Variants in PROM1 observed in about 807,000 individuals in gnomAD.
PROM1 encodes prominin 1.
PROM1 carries 105 observed loss-of-function variants against 116.9 expected under a neutral mutation model. That is an observed-to-expected ratio of 0.90 (90% CI 0.77 to 1.06). The LOEUF is 1.06. Among genes scored for constraint, PROM1 ranks in the 50% least tolerant of loss-of-function variants. PROM1 has a pLI of 0.00. For synonymous variants in PROM1, 393 were observed against 387.0 expected (o/e 1.02, Z -0.18); for missense variants, 1,122 against 1,045.2 (o/e 1.07, Z -1.01).
At chr4:16,032,715 T>A (rs1439066040) in intron 5 of PROM1, among the ~76,000 whole-genome samples, 1 of 152,206 alleles carries the variant, frequency 6.6e-6, no homozygotes, top group South Asian at 2.1e-4. Context: ...GCCAGTCAAC[T>A]GGAAAACTTT....
At chr4:16,051,175 A>G (rs1300306200) in intron 2 of PROM1, among the ~76,000 whole-genome samples, 3 of 152,234 alleles carry the variant, frequency 2.0e-5, no homozygotes, top group Non-Finnish European at 4.4e-5. Flanking sequence ...AGGGAACAGC[A>G]TGTTCAAAGT....
In PROM1 at chr4:16,061,952, C is replaced by T. The variant is rs985076119; in HGVS notation, c.220+13735G>A. ...TGTCGCCCAGGCTGGAGTGCAGTGG[C>T]GCGATCTTGACTCACTGCAAGCTCC... On this transcript the variant is annotated intron_variant, in intron 2 of 27. Transcript: ENST00000447510. Among the ~76,000 whole-genome samples the T allele has an allele frequency of 2.7e-5, 4 of 146,986 alleles. No homozygotes were observed. The South Asian group carries it at 6.4e-4, about 24-fold the overall frequency.
intron 11 of PROM1, among the ~76,000 whole-genome samples, chr4:16,012,448 C>T (rs1169535013): frequency 6.6e-6 from 1 of 152,204 alleles, no homozygotes; most frequent in Non-Finnish European, 1.5e-5. Flanking sequence ...ATCCTCTCTA[C>T]ATTGATTCTG....
Position 16,004,832 on chromosome 4 carries a change from T to TTCTTTCTTTCTTTTTCTTCCTTC in PROM1, c.1454+1705_1454+1706insGAAGGAAGAAAAAGAAAGAAAGA, listed in dbSNP as rs1203366908. Among the ~76,000 whole-genome samples, 321 of 122,562 alleles carry TTCTTTCTTTCTTTTTCTTCCTTC rather than the reference T, an allele frequency of 2.6e-3. 10 individuals carry two copies. The East Asian group carries it at 0.062, about 24-fold the overall frequency. The allele number at this position is 122,562 out of a possible 152,430, so 80.4% of individuals were successfully genotyped here. A position where few individuals can be genotyped will look rare whatever the true frequency, so the allele number is the denominator to read the frequency against. The stretch of plus-strand genomic sequence containing the variant: ...CTTTCTTTCTTTCTTTCTTTCTTTT[T>TTCTTTCTTTCTTTTTCTTCCTTC]CTTCCTTCCTTCCTTCCTTCCTTCC... On this transcript the variant is annotated intron_variant, in intron 13 of 27. Coordinates refer to ENST00000447510, the MANE Select transcript of PROM1 (RefSeq NM_006017.3).
intron 2 of PROM1, among the ~76,000 whole-genome samples, chr4:16,039,715 CAAA>C (rs34158088): frequency 2.2e-5 from 3 of 133,920 alleles, no homozygotes; most frequent in Non-Finnish European, 3.3e-5. Flanking sequence ...TCCAGACTGT[CAAA>C]AAAAAAAAAA....
At chr4:15,979,487 A>C in intron 25 of PROM1, 24 bp from the exon 26 acceptor site, 1 of 1,595,202 alleles carries the variant, frequency 6.3e-7, no homozygotes, top group Non-Finnish European at 8.5e-7. Flanking sequence ...AAATACACCA[A>C]AAACACCATG....
intron 2 of PROM1, among the ~76,000 whole-genome samples, chr4:16,046,886 G>A (rs142900837): frequency 6.6e-6 from 1 of 152,322 alleles, no homozygotes; most frequent in African/African-American, 2.4e-5. Context: ...AATAGGCAGA[G>A]GGCTAGGCCC....
chr4:16,061,823 C>G (rs1258364942), intron 2 of PROM1, among the ~76,000 whole-genome samples: 2 of 151,538 alleles, frequency 1.3e-5, no homozygotes, highest in Non-Finnish European at 2.9e-5. Flanking sequence ...TCTGGTGGTT[C>G]CTTGAGTTGT....
intron 11 of PROM1, 113 bp from the exon 12 acceptor site, chr4:16,009,221 ATG>A: frequency 1.2e-6 from 1 of 838,614 alleles, no homozygotes; most frequent in Non-Finnish European, 1.9e-6. Flanking sequence ...CATGTCATGT[ATG>A]TGTTTAAAAT....
chr4:16,035,027 G>A (rs1004665748), intron 4 of PROM1, among the ~76,000 whole-genome samples: 1 of 152,174 alleles, frequency 6.6e-6, no homozygotes, highest in African/African-American at 2.4e-5. Context: ...TCTGGCACTT[G>A]AATATTATCT....
intron 2 of PROM1, among the ~76,000 whole-genome samples, chr4:16,039,649 G>A (rs1734724151): frequency 1.3e-5 from 2 of 150,942 alleles, no homozygotes; most frequent in Admixed American, 1.3e-4. Flanking sequence ...GAGATGGGAG[G>A]ATCACTTGAA....
chr4:15,991,814 T>C (rs1198400572), intron 17 of PROM1, among the ~76,000 whole-genome samples: 1 of 151,746 alleles, frequency 6.6e-6, no homozygotes, highest in Non-Finnish European at 1.5e-5. Context: ...CAGGCGCCTG[T>C]AGTCCCAGCC....
intron 26 of PROM1, among the ~76,000 whole-genome samples, chr4:15,974,068 T>TACAC (rs1461477765): frequency 6.6e-6 from 1 of 151,214 alleles, no homozygotes; most frequent in Admixed American, 6.6e-5. Flanking sequence ...AGAGTAAGTT[T>TACAC]ACACACACAC....
At chr4:16,072,831 A>C (rs1020584889) in intron 2 of PROM1, among the ~76,000 whole-genome samples, 15 of 152,204 alleles carry the variant, frequency 9.9e-5, no homozygotes, top group African/African-American at 3.1e-4. Flanking sequence ...AGTACTTTGC[A>C]GACCCTGTGT....
chr4:16,066,943 A>T lies in PROM1; in HGVS notation c.220+8744T>A, dbSNP rs543734313. On this transcript the variant is annotated intron_variant, in intron 2 of 27. Transcript: ENST00000447510. Reference sequence around the variant, plus strand: ...TTTATGTAGGGCAAGATAGGACCCTATTTCAGAGGGACTTTGTAGGCTAGA... The same window carrying T: ...TTTATGTAGGGCAAGATAGGACCCTTTTTCAGAGGGACTTTGTAGGCTAGA... Among the ~76,000 whole-genome samples, 35 of 152,264 alleles carry T rather than the reference A, an allele frequency of 2.3e-4. No individual in the cohort carries two copies. The South Asian group carries it at 5.4e-3, about 24-fold the overall frequency.
chr4:16,039,574 C>T (rs1734703025), intron 2 of PROM1, among the ~76,000 whole-genome samples: 1 of 152,074 alleles, frequency 6.6e-6, no homozygotes, highest in Non-Finnish European at 1.5e-5. Context: ...TCCGTCTCTA[C>T]TAAAAATACA....
At chr4:15,997,844 T>C (rs1722710300) in intron 15 of PROM1, among the ~76,000 whole-genome samples, 1 of 152,180 alleles carries the variant, frequency 6.6e-6, no homozygotes, top group African/African-American at 2.4e-5. Flanking sequence ...TCATGTATCT[T>C]ACTTAACCCT....
intron 15 of PROM1, 101 bp from the exon 16 acceptor site, chr4:15,994,172 T>C: frequency 6.4e-7 from 1 of 1,562,682 alleles, no homozygotes; most frequent in Non-Finnish European, 8.7e-7. Flanking sequence ...TCTCCTTGTT[T>C]AATCTGTGAA....
Position 15,979,875 on chromosome 4 carries a change from G to T in PROM1, c.2513+6C>A. 1 of 1,448,542 alleles carries T rather than the reference G, an allele frequency of 6.9e-7. No homozygotes were observed. The allele number at this position is 1,448,542 out of a possible 1,614,324, so 89.7% of individuals were successfully genotyped here. On this transcript the variant is annotated splice_donor_region_variant and intron_variant, in intron 25 of 27. Coordinates refer to ENST00000447510, the MANE Select transcript of PROM1 (RefSeq NM_006017.3). ...CTAGGAATATAGTTTTTTTAAAAAG[G>T]CTTACTTTTTCATGGGTATAGTTTC... is the stretch of plus-strand genomic sequence containing the variant.
Sources: allele counts gnomAD v4.1 joint callset (sites outside exome capture counted in the v4.1 genomes callset), GRCh38; gene constraint gnomAD v4.1.1; transcripts MANE v1.5; gene names NCBI Gene and HGNC (gene_info 2026-07-23, HGNC 2026-07-21).